The following SLCO1B3 variants were observed in gnomAD, a reference collection of about 807,000 sequenced individuals.
SLCO1B3 encodes liver-specific organic anion transporter 2.
In SLCO1B3, 72 loss-of-function variants were observed where a neutral mutation model predicts 71.8. The ratio of observed to expected loss-of-function variants is 1.00; its 90% CI spans 0.83 to 1.22. SLCO1B3 has a LOEUF of 1.22. Ranked by LOEUF, SLCO1B3 falls within the 50% of genes most tolerant of loss-of-function variation. The pLI is 0.00. For missense variants in SLCO1B3, 911 were observed against 819.7 expected, an observed-to-expected ratio of 1.11 and a Z score of -1.36; for synonymous variants, 298 against 278.4, an observed-to-expected ratio of 1.07 and a Z score of -0.70.
intron 13 of SLCO1B3, among the ~76,000 whole-genome samples, chr12:20,897,120 A>G (rs1866025289): frequency 6.6e-6 from 1 of 152,128 alleles, no homozygotes; most frequent in Non-Finnish European, 1.5e-5. Flanking sequence ...ACAGAGCCAA[A>G]TCGTATCAGA....
intron 3 of SLCO1B3, among the ~76,000 whole-genome samples, chr12:20,816,784 A>C (rs1342140948): frequency 6.6e-6 from 1 of 152,176 alleles, no homozygotes; most frequent in Non-Finnish European, 1.5e-5. Flanking sequence ...ACTGTTCTTC[A>C]TAGTGGTCCT....
At chr12:20,874,309 G>T (rs1454345422) in intron 8 of SLCO1B3, among the ~76,000 whole-genome samples, 1 of 152,158 alleles carries the variant, frequency 6.6e-6, no homozygotes. Flanking sequence ...TAATACTGAG[G>T]AGGAGAATGG....
In SLCO1B3 at chr12:20,878,668, C is replaced by T. The variant is rs372496664; in HGVS notation, c.1135+732C>T. On this transcript the variant is annotated intron_variant, in intron 10 of 15. Transcript: ENST00000381545. ...ATTGGAACAGGCTTCTGGATGATCT[C>T]CCTGTTGAACTGACAGATTTAAACT... Among the ~76,000 whole-genome samples, 11 of 152,178 alleles carry T rather than the reference C, an allele frequency of 7.2e-5. No homozygotes were observed. The East Asian group carries it at 1.2e-3, about 16-fold the overall frequency.
intron 3 of SLCO1B3, among the ~76,000 whole-genome samples, chr12:20,834,751 GC>G (rs1864638203): frequency 6.6e-6 from 1 of 152,052 alleles, no homozygotes; most frequent in South Asian, 2.1e-4. Flanking sequence ...TCATCAGCTG[GC>G]ATTGGGTATC....
rs1865553380 is a variant in SLCO1B3 at position 20,875,240 on chromosome 12, A to G, written c.733A>G (p.Ile245Val). The change falls in exon 9 of 16, where the codon ATC (isoleucine) becomes GTC (valine). Residue 245 changes from isoleucine to valine, a missense_variant. Ile to Val is a conservative substitution (Grantham distance 29). Transcript: ENST00000381545. ...CTTTTAACTGTTTCTCCTAGGCACT[A>G]TCAGAATAACTCCTAAGGACTCTCG... ...VDIGYVDLST[I>V]RITPKDSRWV... 1.2e-6 allele frequency: 2 copies of G among 1,612,102 alleles called. No homozygotes were observed. The highest frequency in any genetic ancestry group is 1.7e-6 in the Non-Finnish European group (2 of 1,179,556).
intron 8 of SLCO1B3, among the ~76,000 whole-genome samples, chr12:20,866,580 G>T (rs931277323): frequency 5.3e-5 from 8 of 151,994 alleles, no homozygotes; most frequent in Non-Finnish European, 8.8e-5. Context: ...TTCTAAAGAG[G>T]TTTGCCTCAA....
At chr12:20,855,461 ACT>A (rs35308450) in intron 4 of SLCO1B3, among the ~76,000 whole-genome samples, 15,859 of 151,678 alleles carry the variant, frequency 0.1, 1,112 homozygotes, top group Middle Eastern at 0.22. Context: ...ATGTTGAAAA[ACT>A]CTGGTCCTAC....
chr12:20,899,452 A>G (rs1866083234), intron 14 of SLCO1B3, among the ~76,000 whole-genome samples: 1 of 152,214 alleles, frequency 6.6e-6, no homozygotes, highest in Non-Finnish European at 1.5e-5. Context: ...AGGAAAAAGT[A>G]TAACTCTATG....
chr12:20,829,690 T>C (rs1459934760), intron 3 of SLCO1B3, among the ~76,000 whole-genome samples: 4 of 152,148 alleles, frequency 2.6e-5, no homozygotes, highest in Admixed American at 6.5e-5. Context: ...AGCAAGTTTA[T>C]TAAGAAAGTA....
At chr12:20,822,359 GGTT>G (rs1864330382) in intron 3 of SLCO1B3, among the ~76,000 whole-genome samples, 1 of 152,100 alleles carries the variant, frequency 6.6e-6, no homozygotes, top group African/African-American at 2.4e-5. Flanking sequence ...AGTCAAAGGG[GGTT>G]GTTCTCTGGT....
At chr12:20,890,896 A>G (rs1305398989) in intron 13 of SLCO1B3, among the ~76,000 whole-genome samples, 2 of 152,042 alleles carry the variant, frequency 1.3e-5, no homozygotes, top group Non-Finnish European at 2.9e-5. Context: ...TGAGTCTGAA[A>G]AGGTCTTTAC....
At chr12:20,899,889 A>G (rs1055610126) in intron 14 of SLCO1B3, among the ~76,000 whole-genome samples, 19 of 152,232 alleles carry the variant, frequency 1.2e-4, no homozygotes, top group African/African-American at 4.1e-4. Context: ...TCTGTGGGAA[A>G]CATCCACACT....
At chr12:20,855,821 T>C (rs887272704) in intron 4 of SLCO1B3, among the ~76,000 whole-genome samples, 2 of 151,560 alleles carry the variant, frequency 1.3e-5, no homozygotes, top group East Asian at 3.9e-4. Context: ...ATTAAAATTT[T>C]TCTTATTTTA....
intron 3 of SLCO1B3, among the ~76,000 whole-genome samples, chr12:20,845,991 C>A (rs1464534308): frequency 6.9e-6 from 1 of 144,148 alleles, no homozygotes; most frequent in African/African-American, 2.6e-5. Context: ...TTTTTTTTAA[C>A]TGTTGTTCCA....
chr12:20,858,343 A>G (rs1865184364), intron 4 of SLCO1B3, 96 bp from the exon 5 acceptor site: 1 of 814,332 alleles, frequency 1.2e-6, no homozygotes, highest in Non-Finnish European at 2.0e-6. Context: ...GGAAGGTACA[A>G]TGTCTTGGGC....
rs377672440 is a variant in SLCO1B3, at chr12:20,842,670, A to G, written c.85-12358A>G. Among the ~76,000 whole-genome samples the G allele has an allele frequency of 8.3e-4, 126 of 152,332 alleles. 2 individuals are homozygous for G. In the South Asian group the frequency reaches 0.025, roughly 30 times the overall value. ...TCCACTTACGTTTATTGTATTTTAT[A>G]TAGTCAGACTTGTTTCTACTATCTT... On this transcript the variant is annotated intron_variant, in intron 3 of 15. Coordinates refer to ENST00000381545, the MANE Select transcript of SLCO1B3 (RefSeq NM_019844.4).
chr12:20,825,636 T>C (rs1415911524), intron 3 of SLCO1B3, among the ~76,000 whole-genome samples: 2 of 151,762 alleles, frequency 1.3e-5, no homozygotes, highest in Admixed American at 1.3e-4. Flanking sequence ...ACTCTATTAA[T>C]AAATATACAA....
chr12:20,892,217 A>C (rs540375146), intron 13 of SLCO1B3, among the ~76,000 whole-genome samples: 9 of 152,176 alleles, frequency 5.9e-5, no homozygotes, highest in African/African-American at 1.7e-4. Flanking sequence ...TGTTTGAATT[A>C]GGTTTTTTCC....
At chr12:20,878,647 G>A (rs1400337164) in intron 10 of SLCO1B3, among the ~76,000 whole-genome samples, 1 of 152,090 alleles carries the variant, frequency 6.6e-6, no homozygotes, top group South Asian at 2.1e-4. Context: ...TGAAGCATTG[G>A]AACAGGCTTC....
Sources: gnomAD v4.1 joint callset for allele counts (sites outside exome capture counted in the v4.1 genomes callset) on GRCh38, gnomAD v4.1.1 for gene constraint, MANE v1.5 for transcripts, NCBI Gene and HGNC (gene_info 2026-07-23, HGNC 2026-07-21) for gene names.